Variants in PDE5A observed in about 807,000 individuals in gnomAD.
PDE5A encodes the protein phosphodiesterase 5A, also known as cGMP-specific 3',5'-cyclic phosphodiesterase.
PDE5A carries 67 observed loss-of-function variants against 110.2 expected under a neutral mutation model. That is an observed-to-expected ratio of 0.61 (90% CI 0.50 to 0.75). The LOEUF is 0.75. Ranked by LOEUF, PDE5A falls within the 30% of genes least tolerant of loss-of-function variation. PDE5A has a pLI of 0.00. For synonymous variants in PDE5A, 328 were observed against 351.2 expected (o/e 0.93, Z 0.74); for missense variants, 862 against 1,045.1 (o/e 0.82, Z 2.42).
chr4:119,592,743 G>T (rs1383829340), intron 3 of PDE5A, among the ~76,000 whole-genome samples: 3 of 152,110 alleles, frequency 2.0e-5, no homozygotes, highest in Non-Finnish European at 4.4e-5. Flanking sequence ...TACTCAATCT[G>T]TATTTAGTCC....
intron 2 of PDE5A, among the ~76,000 whole-genome samples, chr4:119,597,306 T>G (rs1394507238): frequency 7.3e-5 from 3 of 40,930 alleles, no homozygotes; most frequent in Non-Finnish European, 2.1e-4. Context: ...CTGTGAGGGT[T>G]TTTTTTTTTT....
chr4:119,501,300 TTTAG>T (rs755499022), intron 19 of PDE5A, 47 bp from the exon 20 acceptor site: 67 of 1,114,024 alleles, frequency 6.0e-5, no homozygotes, highest in African/African-American at 4.0e-4. Context: ...CATTTATTTA[TTTAG>T]TTAGTTATTA....
intron 7 of PDE5A, among the ~76,000 whole-genome samples, chr4:119,559,828 C>T (rs1259293858): frequency 1.3e-5 from 2 of 152,046 alleles, no homozygotes; most frequent in Non-Finnish European, 2.9e-5. Context: ...ACCATGTGAA[C>T]CCCAAATTCC....
intron 2 of PDE5A, among the ~76,000 whole-genome samples, chr4:119,597,499 G>A (rs940654575): frequency 3.3e-5 from 5 of 152,008 alleles, no homozygotes. Context: ...GAAATCAATA[G>A]CTACAACAAC....
Position 119,494,445 on chromosome 4 carries a change from A to C in PDE5A, c.*4156T>G, listed in dbSNP as rs202155985. The C allele has an allele frequency of 6.6e-6, 1 of 152,302 alleles. No individual in the cohort carries two copies. The highest frequency in any genetic ancestry group is 2.1e-4 in the South Asian group (1 of 4,836). 9.4% of individuals were successfully genotyped at this position (152,302 alleles called of 1,614,324 possible). A position where few individuals can be genotyped will look rare whatever the true frequency, so the allele number is the denominator to read the frequency against. On this transcript the variant is annotated 3_prime_UTR_variant, in exon 21 of 21. Coordinates refer to ENST00000354960, the MANE Select transcript of PDE5A (RefSeq NM_001083.4). ...TATTTTTACAAAGCATGGCAAAATG[A>C]GGAAACCACTGACAGGTGAAGAATT...
At chr4:119,578,224 G>C (rs1728442137) in intron 3 of PDE5A, among the ~76,000 whole-genome samples, 1 of 152,116 alleles carries the variant, frequency 6.6e-6, no homozygotes, top group African/African-American at 2.4e-5. Flanking sequence ...CATGCTCATG[G>C]GTAGGAAGAA....
At chr4:119,567,545 A>T (rs1158557561) in intron 3 of PDE5A, among the ~76,000 whole-genome samples, 2 of 152,310 alleles carry the variant, frequency 1.3e-5, no homozygotes, top group African/African-American at 4.8e-5. Flanking sequence ...AATATTCCAA[A>T]ACGGCTAAAT....
In PDE5A at chr4:119,525,545, C is replaced by G; in HGVS notation, c.1779+4G>C. On this transcript the variant is annotated splice_donor_region_variant and intron_variant, in intron 12 of 20. Coordinates refer to ENST00000354960, the MANE Select transcript of PDE5A (RefSeq NM_001083.4). This position sits in a 1 kb window ranked among gnomAD's most constrained non-coding sequence, Gnocchi z 4.3. Reference sequence around the variant, plus strand: ...TTTTCCAAAGGATGTTGCTGCATTCCTACCTCATGTTTCATCTGGAAGTTC... The same window carrying G: ...TTTTCCAAAGGATGTTGCTGCATTCGTACCTCATGTTTCATCTGGAAGTTC... 6.2e-7 allele frequency: 1 copy of G among 1,612,152 alleles called. No homozygotes were observed.
At chr4:119,503,812 A>G (rs1725459472) in intron 18 of PDE5A, among the ~76,000 whole-genome samples, 1 of 152,122 alleles carries the variant, frequency 6.6e-6, no homozygotes, top group Non-Finnish European at 1.5e-5. Flanking sequence ...TCTTACAAAT[A>G]TTATGTGCAA....
chr4:119,518,901 G>C (rs1726011376), intron 14 of PDE5A, 144 bp downstream of exon 14: 2 of 582,316 alleles, frequency 3.4e-6, no homozygotes, highest in Admixed American at 3.1e-5. Context: ...TACTTAACCT[G>C]CATTATTTTT....
chr4:119,518,250 C>T (rs1045774249), intron 14 of PDE5A, among the ~76,000 whole-genome samples: 1 of 152,202 alleles, frequency 6.6e-6, no homozygotes, highest in Non-Finnish European at 1.5e-5. Context: ...AGAGATCTTG[C>T]ACTTAAAATG....
intron 14 of PDE5A, among the ~76,000 whole-genome samples, chr4:119,514,656 G>T (rs975828356): frequency 1.3e-5 from 2 of 152,010 alleles, no homozygotes; most frequent in African/African-American, 4.8e-5. Context: ...CAGCTACTAG[G>T]TTCTACTGGG....
Position 119,525,623 on chromosome 4 carries a change from G to A in PDE5A, c.1705C>T (p.Leu569=), listed in dbSNP as rs144945496. Residue 569 remains leucine, a synonymous_variant, in exon 12 of 21, where the codon CTG becomes TTG. Coordinates refer to ENST00000354960, the MANE Select transcript of PDE5A (RefSeq NM_001083.4). This position sits in a 1 kb window ranked among gnomAD's most constrained non-coding sequence, Gnocchi z 4.3. ...FSFSDFELSD[L]ETALCTIRMF... The stretch of plus-strand genomic sequence containing the variant: ...CGAATTGTACACAGTGCTGTTTCCA[G>A]ATCAGACAGCTCAAAGTCACTGAAG... 30 of 1,613,078 alleles carry A rather than the reference G, an allele frequency of 1.9e-5. No individual in the cohort carries two copies. In the African/African-American group the frequency reaches 3.6e-4, roughly 19 times the overall value.
intron 1 of PDE5A, among the ~76,000 whole-genome samples, chr4:119,625,504 G>A (rs4833622): frequency 0.79 from 120,262 of 152,024 alleles, 47,917 homozygotes; most frequent in East Asian, 0.9. Flanking sequence ...ATGCATGAAT[G>A]TCGAATGACA....
Position 119,560,314 on chromosome 4 carries a change from G to A in PDE5A, c.1181C>T (p.Ser394Leu). Residue 394 changes from serine to leucine, a missense_variant, in exon 7 of 21, where the codon TCA becomes TTA. Ser to Leu is a moderately radical substitution (Grantham distance 145). Transcript: ENST00000354960. ...CTTTTACCTTGTTAATGTATCAGAT[G>A]ATTTTTCTAATTCCTCACACTCCAT... ...FHMECEELEK[S>L]SDTLTREHDA... 2.5e-6 allele frequency: 4 copies of A among 1,584,328 alleles called. No homozygotes were observed. The highest frequency in any genetic ancestry group is 8.6e-7 in the Non-Finnish European group (1 of 1,163,840).
In PDE5A at chr4:119,545,003, T is replaced by C. The variant is rs979718574; in HGVS notation, c.1397-2369A>G. On this transcript the variant is annotated intron_variant, in intron 9 of 20. Coordinates refer to ENST00000354960, the MANE Select transcript of PDE5A (RefSeq NM_001083.4). ...TAGATATAGATCTATAGGCACAGAG[T>C]TAAGCTCTGGGGAAAACAACAACAA... 4.0e-5 allele frequency among the ~76,000 whole-genome samples: 6 copies of C among 149,054 alleles called. No homozygotes were observed. The Admixed American group carries it at 4.1e-4, about 10-fold the overall frequency.
intron 11 of PDE5A, among the ~76,000 whole-genome samples, chr4:119,535,928 T>G (rs2110481923): frequency 6.6e-6 from 1 of 152,244 alleles, no homozygotes; most frequent in African/African-American, 2.4e-5. Context: ...GACAGCAATT[T>G]TGGTGATTGC....
At chr4:119,581,381 A>G (rs1378229057) in intron 3 of PDE5A, among the ~76,000 whole-genome samples, 1 of 152,208 alleles carries the variant, frequency 6.6e-6, no homozygotes, top group African/African-American at 2.4e-5. Context: ...GTAGCCACTG[A>G]AAGCTAGATA....
At chr4:119,546,110 C>A (rs1045088184) in intron 9 of PDE5A, among the ~76,000 whole-genome samples, 1 of 152,032 alleles carries the variant, frequency 6.6e-6, no homozygotes, top group Non-Finnish European at 1.5e-5. Context: ...CTTATAATCC[C>A]ACTTAATTTT....
Sources: gnomAD v4.1 joint callset for allele counts (sites outside exome capture counted in the v4.1 genomes callset) on GRCh38, gnomAD v4.1.1 for gene constraint, Gnocchi (gnomAD v3.1) non-coding constraint, MANE v1.5 for transcripts, NCBI Gene and HGNC (gene_info 2026-07-23, HGNC 2026-07-21) for gene names.